Variants in AKAP19 observed in about 807,000 individuals in gnomAD.
AKAP19 encodes small A-kinase anchoring protein.
chr2:190,111,478 G>T, the AKAP19 span, among the ~76,000 whole-genome samples: 1 of 152,090 alleles, frequency 6.6e-6, no homozygotes, highest in Non-Finnish European at 1.5e-5. Flanking sequence ...CACTGTAAAG[G>T]CATTGGGAGG....
chr2:189,998,771 C>CTTTTTTTTT, the AKAP19 span, among the ~76,000 whole-genome samples: 492 of 97,460 alleles, frequency 5.0e-3, no homozygotes, highest in East Asian at 6.0e-3. Context: ...TTCTTTCTTT[C>CTTTTTTTTT]TTTTTTTTTT....
chr2:189,920,049 T>A, the AKAP19 span, among the ~76,000 whole-genome samples: 1 of 152,366 alleles, frequency 6.6e-6, no homozygotes, highest in African/African-American at 2.4e-5. Context: ...AGATTTGCTG[T>A]GGCTTAATCA....
At chr2:189,939,943 G>T in the AKAP19 span, among the ~76,000 whole-genome samples, 2 of 151,602 alleles carry the variant, frequency 1.3e-5, no homozygotes, top group Non-Finnish European at 1.5e-5. Context: ...TCAGGAGTTC[G>T]AGACCAGCCT....
the AKAP19 span, among the ~76,000 whole-genome samples, chr2:190,142,430 T>G: frequency 1.3e-5 from 2 of 152,206 alleles, no homozygotes; most frequent in Non-Finnish European, 2.9e-5. Context: ...TTATGAGGTA[T>G]AATGTATCTG....
the AKAP19 span, among the ~76,000 whole-genome samples, chr2:189,988,181 T>G: frequency 4.6e-5 from 7 of 152,012 alleles, no homozygotes; most frequent in African/African-American, 1.7e-4. Flanking sequence ...TGAAAAGATA[T>G]CTCAAAAGGC....
the AKAP19 span, among the ~76,000 whole-genome samples, chr2:189,971,731 C>T: frequency 6.6e-6 from 1 of 152,096 alleles, no homozygotes; most frequent in Non-Finnish European, 1.5e-5. Context: ...TCTCTGATGG[C>T]CAGTGATGAG....
the AKAP19 span, chr2:189,923,854 A>G: frequency 1.9e-6 from 3 of 1,610,994 alleles, no homozygotes; most frequent in Non-Finnish European, 2.5e-6. Context: ...CCAAGTCTGG[A>G]AAGTTGAAAG....
At chr2:190,196,148 C>T in the AKAP19 span, among the ~76,000 whole-genome samples, 1 of 151,950 alleles carries the variant, frequency 6.6e-6, no homozygotes, top group Non-Finnish European at 1.5e-5. Flanking sequence ...TCCCCAACCC[C>T]CAATGTTCTT....
At chr2:190,033,873 C>CT in the AKAP19 span, among the ~76,000 whole-genome samples, 2 of 152,106 alleles carry the variant, frequency 1.3e-5, no homozygotes, top group Non-Finnish European at 2.9e-5. Flanking sequence ...CCATTCTTTT[C>CT]TAGACCTCTC....
the AKAP19 span, among the ~76,000 whole-genome samples, chr2:190,163,401 T>C: frequency 6.7e-6 from 1 of 148,876 alleles, no homozygotes; most frequent in South Asian, 2.1e-4. Context: ...GCCACTGCAC[T>C]CCAACCTGGG....
At chr2:189,989,794 C>T in the AKAP19 span, among the ~76,000 whole-genome samples, 1 of 151,844 alleles carries the variant, frequency 6.6e-6, no homozygotes, top group South Asian at 2.1e-4. Context: ...CAAGGTTGTT[C>T]AATAAGTTTA....
At chr2:190,021,793 C>T in the AKAP19 span, among the ~76,000 whole-genome samples, 1 of 152,210 alleles carries the variant, frequency 6.6e-6, no homozygotes, top group South Asian at 2.1e-4. Context: ...CTGTTTCCTC[C>T]TCATATTATC....
At chr2:189,914,286 T>C in the AKAP19 span, among the ~76,000 whole-genome samples, 1 of 152,120 alleles carries the variant, frequency 6.6e-6, no homozygotes, top group Non-Finnish European at 1.5e-5. Flanking sequence ...AGTTTATTTA[T>C]TACAAATTGA....
the AKAP19 span, among the ~76,000 whole-genome samples, chr2:189,951,014 C>T: frequency 6.6e-6 from 1 of 151,982 alleles, no homozygotes; most frequent in Non-Finnish European, 1.5e-5. Context: ...GGGAATTTTT[C>T]TGGATCGTTT....
chr2:190,182,223 A>C, the AKAP19 span, among the ~76,000 whole-genome samples: 5 of 152,126 alleles, frequency 3.3e-5, no homozygotes, highest in African/African-American at 1.2e-4. Context: ...TTTACGCTGA[A>C]CTGACAATCA....
the AKAP19 span, among the ~76,000 whole-genome samples, chr2:190,090,731 G>T: frequency 6.6e-6 from 1 of 152,174 alleles, no homozygotes; most frequent in Non-Finnish European, 1.5e-5. Flanking sequence ...GGCAGAAGGT[G>T]ACTCCCAGGG....
chr2:190,131,890 G>GTT, the AKAP19 span, among the ~76,000 whole-genome samples: 1 of 152,022 alleles, frequency 6.6e-6, no homozygotes, highest in African/African-American at 2.4e-5. Context: ...AAACACTCGG[G>GTT]TTTTTCTATA....
the AKAP19 span, chr2:190,057,726 A>C: frequency 7.0e-7 from 1 of 1,424,234 alleles, no homozygotes. Context: ...TTGAAGTAAT[A>C]AACTAATAAT....
At chr2:189,889,146 G>T in the AKAP19 span, among the ~76,000 whole-genome samples, 1 of 152,100 alleles carries the variant, frequency 6.6e-6, no homozygotes, top group Non-Finnish European at 1.5e-5. Context: ...TAGTATGAAG[G>T]GGTGTTGTAT....
Sources: gnomAD v4.1 joint callset for allele counts (sites outside exome capture counted in the v4.1 genomes callset) on GRCh38, gnomAD v4.1.1 for gene constraint, MANE v1.5 for transcripts, NCBI Gene and HGNC (gene_info 2026-07-23, HGNC 2026-07-21) for gene names.